The following AHCY variants were observed in gnomAD, a reference collection of about 807,000 sequenced individuals.
The protein encoded by AHCY is adenosylhomocysteinase.
A neutral mutation model predicts 45.4 loss-of-function variants in AHCY; 24 were observed. The ratio of observed to expected loss-of-function variants is 0.53; its 90% CI spans 0.38 to 0.74. The LOEUF (loss-of-function observed/expected upper bound fraction) is 0.74, where lower values mean the gene tolerates loss of function less well. AHCY is among the 30% of genes least tolerant of loss of function. The pLI is 0.00. For synonymous variants in AHCY, 245 were observed against 235.1 expected (o/e 1.04, Z -0.39); for missense variants, 449 against 594.1 (o/e 0.76, Z 2.54).
chr20:34,283,144 C>G (rs1168391704), intron 9 of AHCY, among the ~76,000 whole-genome samples: 1 of 152,106 alleles, frequency 6.6e-6, no homozygotes, highest in Non-Finnish European at 1.5e-5. Context: ...CCACAGTACA[C>G]ATTGAAATCA....
chr20:34,284,185 G>A (rs572425687), intron 9 of AHCY, among the ~76,000 whole-genome samples: 1 of 151,868 alleles, frequency 6.6e-6, no homozygotes, highest in East Asian at 1.9e-4. Flanking sequence ...TTTTGAGACA[G>A]GGTCTCACTC....
At position 34,295,627 on chromosome 20, in the gene AHCY, C is replaced by T; in HGVS notation, c.29-42G>A. On this transcript the variant is annotated intron_variant, in intron 1 of 9. Coordinates refer to ENST00000217426, the MANE Select transcript of AHCY (RefSeq NM_000687.4). ...GTGGGAGTTCCGTGAGTCCCCTCAT[C>T]CCACCAACCAAGAGGGGCGGTCACT... 6 of 1,601,146 alleles carry T rather than the reference C, an allele frequency of 3.7e-6. No individual in the cohort carries two copies. The South Asian group carries it at 5.6e-5, about 15-fold the overall frequency.
rs966190965 is a variant in AHCY, at chr20:34,290,300, C to T, written c.972+32G>A. On this transcript the variant is annotated intron_variant, in intron 8 of 9. Transcript: ENST00000217426. This position sits in a 1 kb window ranked among gnomAD's most constrained non-coding sequence, Gnocchi z 4.5. ...CAGCACTCCTCTGCACTCCCATCTG[C>T]CCAGCCCACTGGCAAGGCGGGAGCT... is the stretch of plus-strand genomic sequence containing the variant. The T allele has an allele frequency of 1.2e-6, 2 of 1,604,018 alleles. No homozygotes were observed. The highest frequency in any genetic ancestry group is 1.7e-6 in the Non-Finnish European group (2 of 1,172,298).
At chr20:34,242,352 G>C in the AHCY span, among the ~76,000 whole-genome samples, 1 of 151,882 alleles carries the variant, frequency 6.6e-6, no homozygotes, top group East Asian at 1.9e-4. Context: ...CCCACCTCAG[G>C]CTCCTGAGTA....
the AHCY span, among the ~76,000 whole-genome samples, chr20:34,253,066 C>T: frequency 6.6e-6 from 1 of 152,070 alleles, no homozygotes; most frequent in African/African-American, 2.4e-5. Flanking sequence ...TTATGTCTTC[C>T]TTTTCTACAT....
At chr20:34,257,534 T>A in the AHCY span, among the ~76,000 whole-genome samples, 1 of 152,118 alleles carries the variant, frequency 6.6e-6, no homozygotes, top group Non-Finnish European at 1.5e-5. Flanking sequence ...AGAATAAAAA[T>A]TTTAAATATA....
At position 34,303,338 on chromosome 20, in the gene AHCY, G is replaced by T; in HGVS notation, c.-68C>A. On this transcript the variant is annotated 5_prime_UTR_variant, in exon 1 of 10. Transcript: ENST00000217426. ...CTCAGTCTGGGAACAGGAACTGGGCGGGCAGCGCCGAGCAGGGATATGCGC... is the reference window on the plus strand; with the variant it reads ...CTCAGTCTGGGAACAGGAACTGGGCTGGCAGCGCCGAGCAGGGATATGCGC... The T allele has an allele frequency of 1.3e-6, 2 of 1,547,750 alleles. No individual in the cohort carries two copies. Among genetic ancestry groups the T allele is most frequent in the Non-Finnish European group, 8.7e-7 (1 of 1,143,458 alleles).
At chr20:34,310,079 A>G (rs2036933090) in intron 1 of AHCY, among the ~76,000 whole-genome samples, 1 of 151,830 alleles carries the variant, frequency 6.6e-6, no homozygotes, top group African/African-American at 2.4e-5. Flanking sequence ...TTTGAGACAG[A>G]GTCTCACACT....
At chr20:34,263,410 C>T in the AHCY span, among the ~76,000 whole-genome samples, 1 of 152,000 alleles carries the variant, frequency 6.6e-6, no homozygotes, top group Admixed American at 6.6e-5. Context: ...ACTAAAAATA[C>T]AAAAATTAGC....
chr20:34,277,230 A>G (rs2035916461), downstream of AHCY, among the ~76,000 whole-genome samples: 1 of 152,188 alleles, frequency 6.6e-6, no homozygotes, highest in African/African-American at 2.4e-5. Context: ...GTGTGCAGAA[A>G]GAGCCCTGAC....
intron 1 of AHCY, among the ~76,000 whole-genome samples, chr20:34,299,597 C>T (rs191005874): frequency 1.3e-5 from 2 of 152,282 alleles, no homozygotes; most frequent in East Asian, 3.9e-4. Flanking sequence ...CAAACTACTC[C>T]CCTGAACTTG....
At chr20:34,257,411 C>T in the AHCY span, among the ~76,000 whole-genome samples, 1 of 152,060 alleles carries the variant, frequency 6.6e-6, no homozygotes, top group African/African-American at 2.4e-5. Flanking sequence ...AATTTGCCTT[C>T]CTAATTAATA....
downstream of AHCY, chr20:34,280,149 A>T (rs1218034640): frequency 6.6e-6 from 1 of 152,164 alleles, no homozygotes; most frequent in Non-Finnish European, 1.5e-5. Flanking sequence ...CCTAAGGACC[A>T]CAGACAGCCG....
In AHCY at chr20:34,292,458, C is replaced by G; in HGVS notation, c.345G>C (p.Glu115Asp). 1.2e-6 allele frequency: 2 copies of G among 1,614,132 alleles called. No individual in the cohort carries two copies. Among genetic ancestry groups the G allele is most frequent in the Non-Finnish European group, 1.7e-6 (2 of 1,180,048 alleles). The part of the protein sequence containing the change: ...ETDEEYLWCI[E>D]QTLYFKDGPL... ...GCCCGTCCTTGAAGTACAGGGTCTGCTCAATGCACCACAGGTACTCCTCGT... is the reference window on the plus strand; with the variant it reads ...GCCCGTCCTTGAAGTACAGGGTCTGGTCAATGCACCACAGGTACTCCTCGT... The change falls in exon 4 of 10, where the codon GAG (glutamate) becomes GAC (aspartate). Residue 115 changes from glutamate (E) to aspartate (D), a missense_variant. By Grantham distance (45) the Glu-to-Asp change is conservative. Coordinates refer to ENST00000217426, the MANE Select transcript of AHCY (RefSeq NM_000687.4).
chr20:34,236,677 C>A, the AHCY span, among the ~76,000 whole-genome samples: 2 of 152,050 alleles, frequency 1.3e-5, no homozygotes, highest in Non-Finnish European at 2.9e-5. Context: ...ATGGCGAGAC[C>A]CCCATCTTAA....
chr20:34,255,082 T>A, the AHCY span, among the ~76,000 whole-genome samples: 3 of 152,178 alleles, frequency 2.0e-5, no homozygotes, highest in African/African-American at 7.2e-5. Context: ...TACATTAGGC[T>A]TATGGCTGCT....
At position 34,310,999 on chromosome 20, in the gene AHCY, A is replaced by G. The variant is rs181947379; in HGVS notation, c.-57+473T>C. ...AAATTAGGCGGGCGTGGTGGCACAC[A>G]CCTGTAATCCCAGCTACTCAGTAGG... On this transcript the variant is annotated intron_variant, in intron 1 of 9. Transcript: ENST00000538132. Among the ~76,000 whole-genome samples, 3 of 151,958 alleles carry G rather than the reference A, an allele frequency of 2.0e-5. 1 individual carries two copies. Among genetic ancestry groups the G allele is most frequent in the African/African-American group, 7.2e-5 (3 of 41,420 alleles).
chr20:34,252,910 G>C, the AHCY span, among the ~76,000 whole-genome samples: 1 of 152,076 alleles, frequency 6.6e-6, no homozygotes, highest in Non-Finnish European at 1.5e-5. Flanking sequence ...TGTTAACAAG[G>C]CACATCCTGC....
chr20:34,233,842 A>T, the AHCY span, among the ~76,000 whole-genome samples: 2 of 152,220 alleles, frequency 1.3e-5, no homozygotes, highest in Non-Finnish European at 2.9e-5. Context: ...AAAAGTCAAC[A>T]GGAATGAGAT....
Sources: gnomAD v4.1 joint callset for allele counts (sites outside exome capture counted in the v4.1 genomes callset) on GRCh38, gnomAD v4.1.1 for gene constraint, Gnocchi (gnomAD v3.1) non-coding constraint, MANE v1.5 for transcripts, NCBI Gene and HGNC (gene_info 2026-07-23, HGNC 2026-07-21) for gene names.